Variants in ZCCHC7 observed in about 807,000 individuals in gnomAD.
ZCCHC7 encodes the protein zinc finger CCHC-type containing 7.
A neutral mutation model predicts 52.0 loss-of-function variants in ZCCHC7; 35 were observed. The ratio of observed to expected loss-of-function variants is 0.67; its 90% CI spans 0.51 to 0.89. ZCCHC7 has a LOEUF of 0.89. Among genes scored for constraint, ZCCHC7 ranks in the 40% least tolerant of loss-of-function variants. The probability of loss-of-function intolerance (pLI) is 0.00; values close to 1 mark genes in which losing one functional copy is unlikely to be tolerated. For missense variants in ZCCHC7, 574 were observed against 649.1 expected (o/e 0.88, Z 1.26); for synonymous variants, 217 against 221.5 (o/e 0.98, Z 0.18).
At position 37,348,258 on chromosome 9, in the gene ZCCHC7, T is replaced by C. The variant is rs141337984; in HGVS notation, c.988-1099T>C. Among the ~76,000 whole-genome samples, 597 of 152,312 alleles carry C rather than the reference T, an allele frequency of 3.9e-3. 1 individual carries two copies. The highest frequency in any genetic ancestry group is 0.013 in the African/African-American group (558 of 41,574). ...TTTCTACTTTTTCTGAATCAATCCTTGTTCACCCATGTTCAAAATCTGGAG... is the reference window on the plus strand; with the variant it reads ...TTTCTACTTTTTCTGAATCAATCCTCGTTCACCCATGTTCAAAATCTGGAG... On this transcript the variant is annotated intron_variant, in intron 6 of 8. Transcript: ENST00000336755.
chr9:37,313,858 C>T (rs531793682), intron 5 of ZCCHC7, among the ~76,000 whole-genome samples: 5 of 152,326 alleles, frequency 3.3e-5, no homozygotes, highest in Non-Finnish European at 7.3e-5. Flanking sequence ...TCAGTTAAAC[C>T]TCTTTTCTTC....
At chr9:37,349,628 C>G (rs1564272391) in intron 7 of ZCCHC7, among the ~76,000 whole-genome samples, 176 bp downstream of exon 7, 1 of 152,136 alleles carries the variant, frequency 6.6e-6, no homozygotes, top group African/African-American at 2.4e-5. Flanking sequence ...AACAAGCTAT[C>G]AGAGCATATT....
chr9:37,307,549 T>C (rs1410046178), intron 5 of ZCCHC7, among the ~76,000 whole-genome samples: 2 of 152,158 alleles, frequency 1.3e-5, no homozygotes, highest in African/African-American at 4.8e-5. Flanking sequence ...ATAAAAGTAC[T>C]TTAATATGTA....
At chr9:37,346,312 T>C (rs1374724726) in intron 6 of ZCCHC7, among the ~76,000 whole-genome samples, 1 of 152,144 alleles carries the variant, frequency 6.6e-6, no homozygotes, top group African/African-American at 2.4e-5. Context: ...CTGAAGAAGA[T>C]TTTTATAACC....
intron 2 of ZCCHC7, among the ~76,000 whole-genome samples, chr9:37,287,431 C>T (rs1828306324): frequency 6.6e-6 from 1 of 151,998 alleles, no homozygotes; most frequent in Non-Finnish European, 1.5e-5. Context: ...TCCTTTCTGG[C>T]AATCTCAACT....
chr9:37,195,783 C>A (rs1471714134), intron 2 of ZCCHC7, among the ~76,000 whole-genome samples: 1 of 152,010 alleles, frequency 6.6e-6, no homozygotes, highest in Non-Finnish European at 1.5e-5. Flanking sequence ...TAATTTAGTC[C>A]AAATTCTGAG....
intron 2 of ZCCHC7, among the ~76,000 whole-genome samples, chr9:37,282,622 A>T (rs1828017761): frequency 6.6e-6 from 1 of 151,298 alleles, no homozygotes. Context: ...AAAAAAAAAA[A>T]AAAAGTTTAA....
chr9:37,167,214 T>A, intron 2 of ZCCHC7, among the ~76,000 whole-genome samples: 1 of 152,048 alleles, frequency 6.6e-6, no homozygotes, highest in Admixed American at 6.6e-5. Flanking sequence ...TTCTGCAGTG[T>A]CTATTCTGTC....
intron 2 of ZCCHC7, among the ~76,000 whole-genome samples, chr9:37,260,449 A>G (rs1206631536): frequency 5.9e-5 from 9 of 152,220 alleles, no homozygotes; most frequent in Non-Finnish European, 1.3e-4. Flanking sequence ...GTCTTCATCT[A>G]CAAAGTACAA....
chr9:37,311,132 G>T (rs1350085477), intron 5 of ZCCHC7, among the ~76,000 whole-genome samples: 3 of 152,044 alleles, frequency 2.0e-5, no homozygotes, highest in Non-Finnish European at 2.9e-5. Flanking sequence ...TGATACCATA[G>T]AGCTTTACTG....
chr9:37,217,727 A>ATCT (rs1376359516), intron 2 of ZCCHC7, among the ~76,000 whole-genome samples: 1 of 152,202 alleles, frequency 6.6e-6, no homozygotes, highest in Non-Finnish European at 1.5e-5. Context: ...CTTGTACTTA[A>ATCT]TCTTCATATG....
intron 6 of ZCCHC7, among the ~76,000 whole-genome samples, chr9:37,340,286 A>G (rs1820552690): frequency 6.6e-6 from 1 of 152,110 alleles, no homozygotes; most frequent in Non-Finnish European, 1.5e-5. Flanking sequence ...CAGCAAGAAT[A>G]GCAGATGGGA....
chr9:37,274,320 A>T (rs1326085085), intron 2 of ZCCHC7, among the ~76,000 whole-genome samples: 1 of 145,674 alleles, frequency 6.9e-6, no homozygotes, highest in East Asian at 2.0e-4. Context: ...GAAAATTACC[A>T]TATCTAATTT....
chr9:37,124,308 T>G (rs1255058148), intron 1 of ZCCHC7, among the ~76,000 whole-genome samples: 1 of 151,994 alleles, frequency 6.6e-6, no homozygotes, highest in Non-Finnish European at 1.5e-5. Flanking sequence ...TGGTTGCTGA[T>G]GCTAGAATTT....
chr9:37,340,776 C>T (rs1820587748), intron 6 of ZCCHC7, among the ~76,000 whole-genome samples: 1 of 152,116 alleles, frequency 6.6e-6, no homozygotes. Context: ...GTAGTGTATT[C>T]TAATACAGAA....
intron 2 of ZCCHC7, among the ~76,000 whole-genome samples, chr9:37,292,270 G>A (rs992605475): frequency 6.6e-6 from 1 of 152,138 alleles, no homozygotes; most frequent in Non-Finnish European, 1.5e-5. Context: ...ATAGTGAATG[G>A]TGAAAACTAT....
chr9:37,266,284 G>T (rs1352437016), intron 2 of ZCCHC7, among the ~76,000 whole-genome samples: 1 of 152,130 alleles, frequency 6.6e-6, no homozygotes, highest in Non-Finnish European at 1.5e-5. Context: ...AGAAATGATG[G>T]TATGGCCAAA....
intron 5 of ZCCHC7, among the ~76,000 whole-genome samples, chr9:37,326,329 T>G (rs180906319): frequency 2.0e-5 from 3 of 152,152 alleles, no homozygotes; most frequent in Admixed American, 1.3e-4. Context: ...CTTTTACTTT[T>G]TAAAAATAGT....
chr9:37,347,327 C>G lies in ZCCHC7; in HGVS notation c.988-2030C>G, dbSNP rs559184771. On this transcript the variant is annotated intron_variant, in intron 6 of 8. Coordinates refer to ENST00000336755, the MANE Select transcript of ZCCHC7 (RefSeq NM_032226.3). ...CATCTTATTCTGCCGCTTCATGCTT[C>G]TCAATATATAACTTCTCTCTCCTAC... is the stretch of plus-strand genomic sequence containing the variant. Among the ~76,000 whole-genome samples the G allele has an allele frequency of 3.3e-5, 5 of 152,320 alleles. No homozygotes were observed. In the South Asian group the frequency reaches 1.0e-3, roughly 32 times the overall value.
Sources: allele counts gnomAD v4.1 joint callset (sites outside exome capture counted in the v4.1 genomes callset), GRCh38; gene constraint gnomAD v4.1.1; transcripts MANE v1.5; gene names NCBI Gene and HGNC (gene_info 2026-07-23, HGNC 2026-07-21).